The following PSMB7 variants were observed in gnomAD, a reference collection of about 807,000 sequenced individuals.
PSMB7 encodes the protein proteasome 20S subunit beta 7.
A neutral mutation model predicts 28.1 loss-of-function variants in PSMB7; 5 were observed. That is an observed-to-expected ratio of 0.18 (90% CI 0.09 to 0.37). The LOEUF (loss-of-function observed/expected upper bound fraction) is 0.37. Ranked by LOEUF, PSMB7 falls within the 10% of genes least tolerant of loss-of-function variation. The pLI is 1.00. For synonymous variants in PSMB7, 122 were observed against 123.7 expected (o/e 0.99, Z 0.09); for missense variants, 275 against 346.2 (o/e 0.79, Z 1.63).
chr9:124,369,238 C>T (rs747384730), intron 6 of PSMB7, among the ~76,000 whole-genome samples: 13 of 152,140 alleles, frequency 8.5e-5, no homozygotes, highest in Non-Finnish European at 1.5e-4. Context: ...GGTTTCTGCA[C>T]AATTTCAGGG....
chr9:124,399,692 G>A (rs1830879533), intron 5 of PSMB7, among the ~76,000 whole-genome samples: 1 of 152,214 alleles, frequency 6.6e-6, no homozygotes, highest in Non-Finnish European at 1.5e-5. Context: ...TGGCGCTGAG[G>A]AACGCCAGGA....
At chr9:124,364,248 T>C (rs1327954748) in intron 6 of PSMB7, among the ~76,000 whole-genome samples, 1 of 152,122 alleles carries the variant, frequency 6.6e-6, no homozygotes, top group Non-Finnish European at 1.5e-5. Context: ...CAAGGCTGTG[T>C]ACAAGCAGGA....
At chr9:124,379,968 T>C (rs927313969) in intron 6 of PSMB7, among the ~76,000 whole-genome samples, 1 of 152,220 alleles carries the variant, frequency 6.6e-6, no homozygotes, top group African/African-American at 2.4e-5. Context: ...GATGACTTCA[T>C]GGCCCCTGCC....
At chr9:124,354,152 T>A (rs182524130) in intron 7 of PSMB7, among the ~76,000 whole-genome samples, 14 of 136,088 alleles carry the variant, frequency 1.0e-4, no homozygotes. Context: ...TGCACAAACA[T>A]CTGGAAGCAT....
intron 3 of PSMB7, among the ~76,000 whole-genome samples, chr9:124,413,153 CAAAAAAAAA>C (rs61132576): frequency 2.1e-5 from 1 of 47,230 alleles, no homozygotes; most frequent in Admixed American, 3.0e-4. Context: ...GCATCTCTCC[CAAAAAAAAA>C]AAAAAAAAAA....
intron 6 of PSMB7, among the ~76,000 whole-genome samples, chr9:124,381,069 T>C (rs1422683155): frequency 1.3e-5 from 2 of 152,240 alleles, no homozygotes; most frequent in African/African-American, 4.8e-5. Flanking sequence ...ATTAAGTCTC[T>C]GAAACCTGGT....
chr9:124,413,179 C>CAAA (rs1831048132), intron 3 of PSMB7, among the ~76,000 whole-genome samples: 1 of 115,044 alleles, frequency 8.7e-6, no homozygotes, highest in African/African-American at 3.4e-5. Flanking sequence ...AAAAAAAGAA[C>CAAA]GAAAAAAATG....
chr9:124,364,031 A>C (rs1830486157), intron 6 of PSMB7, among the ~76,000 whole-genome samples: 1 of 152,012 alleles, frequency 6.6e-6, no homozygotes, highest in East Asian at 1.9e-4. Context: ...GAGAGAAATG[A>C]CCCCAACACA....
At chr9:124,360,410 T>C (rs1427783126) in intron 6 of PSMB7, among the ~76,000 whole-genome samples, 1 of 152,184 alleles carries the variant, frequency 6.6e-6, no homozygotes, top group Non-Finnish European at 1.5e-5. Context: ...GGACAGCTGC[T>C]ACAGAGGGGC....
At chr9:124,401,644 T>C (rs185204257) in intron 5 of PSMB7, among the ~76,000 whole-genome samples, 1 of 152,212 alleles carries the variant, frequency 6.6e-6, no homozygotes, top group Non-Finnish European at 1.5e-5. Context: ...CCCATTAGAC[T>C]GAGTATCTGA....
Position 124,387,257 on chromosome 9 carries a change from C to A in PSMB7, c.512-2601G>T, listed in dbSNP as rs537087516. On this transcript the variant is annotated intron_variant, in intron 5 of 7. Coordinates refer to ENST00000259457, the MANE Select transcript of PSMB7 (RefSeq NM_002799.4). The stretch of plus-strand genomic sequence containing the variant: ...CAAGACTCTGTCTCAAACAAAAAAA[C>A]AAACAAACAAAAAACCTTTTTCCTG... Among the ~76,000 whole-genome samples, 491 of 152,140 alleles carry A rather than the reference C, an allele frequency of 3.2e-3. 2 individuals carry two copies. The highest frequency in any genetic ancestry group is 5.9e-3 in the Non-Finnish European group (401 of 67,986).
At chr9:124,381,901 T>C (rs1024652536) in intron 6 of PSMB7, among the ~76,000 whole-genome samples, 1 of 152,164 alleles carries the variant, frequency 6.6e-6, no homozygotes, top group Non-Finnish European at 1.5e-5. Flanking sequence ...TGTTATTCTA[T>C]TATGTGCCTT....
Position 124,359,054 on chromosome 9 carries a change from GCAAA to G in PSMB7, c.571-2143_571-2140del, listed in dbSNP as rs1173244740. On this transcript the variant is annotated intron_variant, in intron 6 of 7. Coordinates refer to ENST00000259457, the MANE Select transcript of PSMB7 (RefSeq NM_002799.4). ...TTATGAGTGATCCTCCCTCTATTTT[GCAAA>G]CAGTCTGTAAGTAACTGATAAAACT... 6.6e-5 allele frequency among the ~76,000 whole-genome samples: 10 copies of G among 152,262 alleles called. No individual in the cohort carries two copies. The South Asian group carries it at 1.5e-3, about 22-fold the overall frequency.
At chr9:124,371,456 C>T (rs1337120949) in intron 6 of PSMB7, among the ~76,000 whole-genome samples, 1 of 152,210 alleles carries the variant, frequency 6.6e-6, no homozygotes. Context: ...CTCCTCTCCC[C>T]CTGAAAGCCA....
intron 7 of PSMB7, among the ~76,000 whole-genome samples, chr9:124,354,966 G>A (rs1830385225): frequency 6.6e-6 from 1 of 152,232 alleles, no homozygotes; most frequent in Non-Finnish European, 1.5e-5. Context: ...ACCGTGTGCT[G>A]GAGGGCTGCG....
At chr9:124,377,198 G>A (rs1040125201) in intron 6 of PSMB7, among the ~76,000 whole-genome samples, 1 of 152,154 alleles carries the variant, frequency 6.6e-6, no homozygotes, top group Admixed American at 6.5e-5. Flanking sequence ...AACGCTCACA[G>A]CAACGTGCAG....
At chr9:124,353,955 G>C (rs996991388) in intron 7 of PSMB7, among the ~76,000 whole-genome samples, 1 of 151,562 alleles carries the variant, frequency 6.6e-6, no homozygotes, top group Non-Finnish European at 1.5e-5. Flanking sequence ...TGGTGGACAC[G>C]TGACTCTCCC....
chr9:124,403,926 C>G (rs949932415), intron 5 of PSMB7, among the ~76,000 whole-genome samples: 4 of 146,170 alleles, frequency 2.7e-5, no homozygotes, highest in African/African-American at 1.0e-4. Context: ...GGGTCTCACT[C>G]TGTTGCCCAA....
intron 5 of PSMB7, among the ~76,000 whole-genome samples, chr9:124,399,645 C>G (rs142982772): frequency 1.3e-5 from 2 of 152,314 alleles, no homozygotes; most frequent in Non-Finnish European, 2.9e-5. Flanking sequence ...CAAATGAAGG[C>G]GTGACTGCAA....
Sources: allele counts gnomAD v4.1 joint callset (sites outside exome capture counted in the v4.1 genomes callset), GRCh38; gene constraint gnomAD v4.1.1; transcripts MANE v1.5; gene names NCBI Gene and HGNC (gene_info 2026-07-23, HGNC 2026-07-21).